Variants in NCALD observed in about 807,000 individuals in gnomAD.
The protein encoded by NCALD is neurocalcin-delta.
NCALD carries 10 observed loss-of-function variants against 18.6 expected under a neutral mutation model. The ratio of observed to expected loss-of-function variants is 0.54; its 90% CI spans 0.33 to 0.91. NCALD has a LOEUF of 0.91. Among genes scored for constraint, NCALD ranks in the 40% least tolerant of loss-of-function variants. The pLI, the probability that NCALD is intolerant of heterozygous loss-of-function variation, is 0.03. For synonymous variants in NCALD, 88 were observed against 87.4 expected (o/e 1.01, Z -0.04); for missense variants, 184 against 247.6 (o/e 0.74, Z 1.72).
intron 2 of NCALD, among the ~76,000 whole-genome samples, chr8:101,937,719 C>A (rs116891106): frequency 6.6e-6 from 1 of 152,120 alleles, no homozygotes; most frequent in East Asian, 1.9e-4. Context: ...GGATTGCTGG[C>A]GATGGGCTAG....
intron 2 of NCALD, among the ~76,000 whole-genome samples, chr8:101,939,966 A>C (rs1818897100): frequency 6.6e-6 from 1 of 152,242 alleles, no homozygotes; most frequent in African/African-American, 2.4e-5. Context: ...ATCATACTAT[A>C]AAAGACCAAA....
intron 2 of NCALD, among the ~76,000 whole-genome samples, chr8:101,982,633 G>A (rs1820663268): frequency 6.6e-6 from 1 of 152,120 alleles, no homozygotes; most frequent in Non-Finnish European, 1.5e-5. Flanking sequence ...GAGGTCAGGA[G>A]ATCGAGACGA....
chr8:101,905,753 A>T (rs186243332), intron 3 of NCALD, among the ~76,000 whole-genome samples: 1 of 152,284 alleles, frequency 6.6e-6, no homozygotes, highest in East Asian at 1.9e-4. Context: ...ACCTTCAATG[A>T]GCTTTCTTTC....
chr8:101,847,302 G>A (rs1814906767), intron 4 of NCALD: 2 of 252,816 alleles, frequency 7.9e-6, no homozygotes, highest in Admixed American at 3.5e-5. Context: ...TCAGAGGGTG[G>A]CACATCTCAC....
chr8:101,979,497 CA>C (rs1820539505), intron 2 of NCALD, among the ~76,000 whole-genome samples: 1 of 152,170 alleles, frequency 6.6e-6, no homozygotes, highest in Non-Finnish European at 1.5e-5. Context: ...AGTCCTATAG[CA>C]CTCTTGGAGC....
chr8:101,753,308 T>C (rs1189626440), intron 1 of NCALD, among the ~76,000 whole-genome samples: 1 of 152,036 alleles, frequency 6.6e-6, no homozygotes, highest in Non-Finnish European at 1.5e-5. Context: ...AGAGCGTAGA[T>C]GGGAGATATT....
At chr8:101,928,176 C>G (rs1001449281) in intron 2 of NCALD, among the ~76,000 whole-genome samples, 2 of 152,042 alleles carry the variant, frequency 1.3e-5, no homozygotes, top group Non-Finnish European at 2.9e-5. Context: ...TCTCAATGAT[C>G]GCGCGATGTA....
chr8:101,998,203 G>A (rs1388121483), intron 2 of NCALD, among the ~76,000 whole-genome samples: 4 of 152,050 alleles, frequency 2.6e-5, no homozygotes, highest in African/African-American at 9.7e-5. Context: ...ACAGGCTAGG[G>A]GAATAGCAAG....
At chr8:102,059,810 G>T (rs1427136275) in intron 1 of NCALD, among the ~76,000 whole-genome samples, 1 of 152,128 alleles carries the variant, frequency 6.6e-6, no homozygotes, top group Non-Finnish European at 1.5e-5. Context: ...GGGGTTCTTG[G>T]TGCCTTTTAA....
At chr8:101,969,698 C>G (rs1379497574) in intron 2 of NCALD, among the ~76,000 whole-genome samples, 1 of 152,188 alleles carries the variant, frequency 6.6e-6, no homozygotes, top group African/African-American at 2.4e-5. Context: ...TTGGTAACTA[C>G]TACCAGATAA....
At chr8:102,027,455 C>T (rs774858016) in intron 1 of NCALD, among the ~76,000 whole-genome samples, 4 of 152,176 alleles carry the variant, frequency 2.6e-5, no homozygotes, top group Non-Finnish European at 5.9e-5. Flanking sequence ...ACCAGTTCCC[C>T]ATCTCCATTT....
intron 2 of NCALD, among the ~76,000 whole-genome samples, chr8:101,975,551 G>A (rs1235017779): frequency 6.6e-6 from 1 of 152,274 alleles, no homozygotes; most frequent in East Asian, 1.9e-4. Flanking sequence ...CCCTTGTAAG[G>A]CTCCTGTGTC....
intron 1 of NCALD, among the ~76,000 whole-genome samples, chr8:101,748,422 G>A (rs1177866680): frequency 2.0e-5 from 3 of 152,150 alleles, no homozygotes; most frequent in Admixed American, 1.3e-4. Context: ...TTGTCAGCTC[G>A]TTCATCAATC....
At chr8:101,733,237 A>T (rs1428158855) in intron 1 of NCALD, among the ~76,000 whole-genome samples, 1 of 152,226 alleles carries the variant, frequency 6.6e-6, no homozygotes, top group African/African-American at 2.4e-5. Flanking sequence ...ACAAGTGAGA[A>T]TCCCATTAAT....
chr8:101,971,431 T>C (rs1354471461), intron 2 of NCALD, among the ~76,000 whole-genome samples: 2 of 152,014 alleles, frequency 1.3e-5, no homozygotes, highest in Non-Finnish European at 2.9e-5. Context: ...GGGGGCAGTT[T>C]CCCCCATTCT....
At chr8:101,945,345 G>A (rs2131778836) in intron 2 of NCALD, among the ~76,000 whole-genome samples, 1 of 152,316 alleles carries the variant, frequency 6.6e-6, no homozygotes, top group Non-Finnish European at 1.5e-5. Context: ...GAAGGTGGGG[G>A]ACGAGGAGAG....
At position 101,831,513 on chromosome 8, in the gene NCALD, G is replaced by A. The variant is rs565639005; in HGVS notation, c.-20+55628C>T. On this transcript the variant is annotated intron_variant, in intron 4 of 6. Transcript: ENST00000311028. ...TATTTGAAATTCTGAGTAGGTCATC[G>A]TCTCTTTGCCCCCTCCCCATTTTTA... 2.7e-4 allele frequency among the ~76,000 whole-genome samples: 41 copies of A among 152,250 alleles called. 1 individual carries two copies. The highest frequency in any genetic ancestry group is 9.6e-4 in the African/African-American group (40 of 41,544).
intron 4 of NCALD, among the ~76,000 whole-genome samples, chr8:101,817,291 G>A (rs1813534600): frequency 6.6e-6 from 1 of 152,146 alleles, no homozygotes; most frequent in Non-Finnish European, 1.5e-5. Context: ...GGGAGCGCCT[G>A]GGAAGCAGAT....
Position 101,719,401 on chromosome 8 carries a change from C to T in NCALD, c.229G>A (p.Asp77Asn), listed in dbSNP as rs1816246512. The part of the protein sequence containing the change: ...HVFRTFDANG[D>N]GTIDFREFII... ...AATTCTCTAAAGTCTATTGTCCCAT[C>T]TCCATTTGCATCGAAGGTGCGGAAG... The change falls in exon 2 of 4, where the codon GAT becomes AAT. Residue 77 changes from aspartate (D) to asparagine (N), a missense_variant. Transcript: ENST00000220931. 8 of 1,614,124 alleles carry T rather than the reference C, an allele frequency of 5.0e-6. No homozygotes were observed. The highest frequency in any genetic ancestry group is 1.7e-5 in the Admixed American group (1 of 60,010).
Sources: gnomAD v4.1 joint callset for allele counts (sites outside exome capture counted in the v4.1 genomes callset) on GRCh38, gnomAD v4.1.1 for gene constraint, MANE v1.5 for transcripts, NCBI Gene and HGNC (gene_info 2026-07-23, HGNC 2026-07-21) for gene names.